The following HSDL1 variants were observed in gnomAD, a reference collection of about 807,000 sequenced individuals.
HSDL1 encodes hydroxysteroid dehydrogenase like 1.
In HSDL1, 29 loss-of-function variants were observed where a neutral mutation model predicts 31.5. The observed-to-expected ratio is 0.92, with a 90% CI of 0.69 to 1.26. The LOEUF (loss-of-function observed/expected upper bound fraction) is 1.26, where lower values mean the gene tolerates loss of function less well. Ranked by LOEUF, HSDL1 falls within the 50% of genes most tolerant of loss-of-function variation. The pLI, the probability that HSDL1 is intolerant of heterozygous loss-of-function variation, is 0.00. For missense variants in HSDL1, 503 were observed against 416.6 expected (o/e 1.21, Z -1.81); for synonymous variants, 222 against 155.2 (o/e 1.43, Z -3.20).
intron 5 of HSDL1, among the ~76,000 whole-genome samples, chr16:84,126,908 A>G (rs1226224658): frequency 6.6e-6 from 1 of 152,206 alleles, no homozygotes; most frequent in East Asian, 1.9e-4. Context: ...GAAAACAGAA[A>G]GTTTTAACAA....
chr16:84,124,150 C>G lies in HSDL1; in HGVS notation c.*480G>C, dbSNP rs1002285299. ...AGATAGTCAAACAGCTAGAGCTATA[C>G]AATACACACAGATTTTTCCTAATAG... is the stretch of plus-strand genomic sequence containing the variant. On this transcript the variant is annotated 3_prime_UTR_variant, in exon 6 of 6. Transcript: ENST00000219439. The G allele has an allele frequency of 3.1e-5, 5 of 161,764 alleles. No homozygotes were observed. Among genetic ancestry groups the G allele is most frequent in the African/African-American group, 1.2e-4 (5 of 41,560 alleles). The allele number at this position is 161,764 out of a possible 1,614,324, so 10.0% of individuals were successfully genotyped here. A position where few individuals can be genotyped will look rare whatever the true frequency, so the allele number is the denominator to read the frequency against.
chr16:84,140,542 G>A (rs565164407), intron 1 of HSDL1, among the ~76,000 whole-genome samples: 1 of 152,246 alleles, frequency 6.6e-6, no homozygotes, highest in African/African-American at 2.4e-5. Context: ...TGGGATTACA[G>A]GCGTGAGCCA....
rs368768511 is a variant in HSDL1, at chr16:84,134,425, C to T, written c.-7+1119G>A. The stretch of plus-strand genomic sequence containing the variant: ...ATCACTTGAGGTCAGGAGTTCAAGA[C>T]CAGCCTGGCCAACATGGTGAAACCT... On this transcript the variant is annotated intron_variant, in intron 2 of 5. Coordinates refer to ENST00000219439, the MANE Select transcript of HSDL1 (RefSeq NM_031463.5). 1.6e-4 allele frequency among the ~76,000 whole-genome samples: 24 copies of T among 152,188 alleles called. No individual in the cohort carries two copies. The East Asian group carries it at 3.3e-3, about 21-fold the overall frequency.
chr16:84,135,915 C>T (rs1320780354), intron 1 of HSDL1, among the ~76,000 whole-genome samples: 1 of 152,218 alleles, frequency 6.6e-6, no homozygotes, highest in Admixed American at 6.5e-5. Flanking sequence ...AAGCCCATTC[C>T]AATCCCAGGA....
At chr16:84,125,541 C>T (rs1208118596) in intron 5 of HSDL1, among the ~76,000 whole-genome samples, 1 of 151,758 alleles carries the variant, frequency 6.6e-6, no homozygotes, top group African/African-American at 2.4e-5. Flanking sequence ...TCAATCACAA[C>T]AAATACCCAC....
At chr16:84,128,394 C>T (rs1043050391) in intron 5 of HSDL1, among the ~76,000 whole-genome samples, 5 of 151,930 alleles carry the variant, frequency 3.3e-5, no homozygotes, top group East Asian at 1.9e-4. Context: ...TTAATACTTA[C>T]GATCACAATT....
At chr16:84,133,270 G>A (rs555365812) in intron 2 of HSDL1, among the ~76,000 whole-genome samples, 2 of 152,120 alleles carry the variant, frequency 1.3e-5, no homozygotes, top group East Asian at 1.9e-4. Flanking sequence ...TCAACAAAAC[G>A]TACACAAGAA....
intron 2 of HSDL1, among the ~76,000 whole-genome samples, chr16:84,132,778 G>A (rs1223534643): frequency 1.3e-5 from 2 of 152,058 alleles, no homozygotes; most frequent in African/African-American, 4.8e-5. Flanking sequence ...TTCATATCAG[G>A]CTAAACCAAC....
In HSDL1 at chr16:84,130,248, G is replaced by A. The variant is rs773780273; in HGVS notation, c.404C>T (p.Pro135Leu). ...TTTGTCCTTCAGGGCTTCTCGAATT[G>A]GAAGGTAGATCTCACGACCGCTGCT... ...DFSSGREIYL[P>L]IREALKDKDV... The change falls in exon 4 of 6, where the codon CCA becomes CTA. Residue 135 changes from proline (P) to leucine (L), a missense_variant. Pro to Leu is a moderately conservative substitution (Grantham distance 98, BLOSUM62 -3). Coordinates refer to ENST00000219439, the MANE Select transcript of HSDL1 (RefSeq NM_031463.5). 4 of 1,614,056 alleles carry A rather than the reference G, an allele frequency of 2.5e-6. No homozygotes were observed. Among genetic ancestry groups the A allele is most frequent in the African/African-American group, 2.7e-5 (2 of 74,920 alleles).
Position 84,137,048 on chromosome 16 carries a change from C to A in HSDL1, c.-68-1443G>T, listed in dbSNP as rs144397146. On this transcript the variant is annotated intron_variant, in intron 1 of 5. Coordinates refer to ENST00000219439, the MANE Select transcript of HSDL1 (RefSeq NM_031463.5). ...GAGATCTACATGGAAAACCAAACTT[C>A]TAGAACAGCAATGAAAAATACAAAG... 5.9e-5 allele frequency among the ~76,000 whole-genome samples: 9 copies of A among 152,340 alleles called. No homozygotes were observed. In the East Asian group the frequency reaches 1.7e-3, roughly 29 times the overall value.
intron 2 of HSDL1, among the ~76,000 whole-genome samples, chr16:84,131,804 G>C (rs539746955): frequency 1.3e-5 from 2 of 150,806 alleles, no homozygotes; most frequent in African/African-American, 4.9e-5. Context: ...CTCAGCCTCC[G>C]GAGTAGCTGG....
In HSDL1 at chr16:84,124,615, A is replaced by G. The variant is rs183278944; in HGVS notation, c.*15T>C. On this transcript the variant is annotated 3_prime_UTR_variant, in exon 6 of 6. Coordinates refer to ENST00000219439, the MANE Select transcript of HSDL1 (RefSeq NM_031463.5). ...TCCCAGGAGTTGGCAAAACTTCTCA[A>G]GTGGCCATCCAGACTCAGGCTGTGC... The G allele has an allele frequency of 1.7e-5, 26 of 1,575,616 alleles. No individual in the cohort carries two copies. In the East Asian group the frequency reaches 2.7e-4, roughly 16 times the overall value.
intron 2 of HSDL1, 68 bp from the exon 3 acceptor site, chr16:84,131,395 T>C (rs1409391681): frequency 1.8e-6 from 2 of 1,096,102 alleles, no homozygotes; most frequent in African/African-American, 1.5e-5. Flanking sequence ...ACAGTCTGAG[T>C]GAAGACATCC....
At chr16:84,143,825 C>T (rs1389534816) in intron 1 of HSDL1, among the ~76,000 whole-genome samples, 2 of 149,656 alleles carry the variant, frequency 1.3e-5, no homozygotes, top group Admixed American at 6.7e-5. Context: ...AGCGAAACCC[C>T]GTCTCTACTA....
chr16:84,129,445 G>C (rs1438476420), intron 5 of HSDL1, 103 bp downstream of exon 5: 3 of 861,958 alleles, frequency 3.5e-6, no homozygotes, highest in Non-Finnish European at 5.5e-6. Flanking sequence ...TTAAGAGTCA[G>C]AATTTACAAT....
At chr16:84,137,724 G>A (rs1035966360) in intron 1 of HSDL1, among the ~76,000 whole-genome samples, 1 of 152,156 alleles carries the variant, frequency 6.6e-6, no homozygotes, top group African/African-American at 2.4e-5. Flanking sequence ...GTACATGATG[G>A]AAAATAACAT....
At chr16:84,129,510 G>T in intron 5 of HSDL1, 38 bp downstream of exon 5, 1 of 1,352,548 alleles carries the variant, frequency 7.4e-7, no homozygotes, top group Non-Finnish European at 1.1e-6. Context: ...GGTTCATGAT[G>T]CATTAATCTA....
intron 5 of HSDL1, among the ~76,000 whole-genome samples, chr16:84,128,062 G>C (rs2086626837): frequency 2.6e-5 from 4 of 151,050 alleles, no homozygotes. Context: ...GCCAAGGCGG[G>C]TGGATCACCT....
intron 2 of HSDL1, among the ~76,000 whole-genome samples, chr16:84,131,754 C>A (rs1597375418): frequency 6.6e-6 from 1 of 150,996 alleles, no homozygotes; most frequent in South Asian, 2.1e-4. Flanking sequence ...TCTCGGCTCA[C>A]TGCAGGCTCC....
Sources: gnomAD v4.1 joint callset for allele counts (sites outside exome capture counted in the v4.1 genomes callset) on GRCh38, gnomAD v4.1.1 for gene constraint, MANE v1.5 for transcripts, NCBI Gene and HGNC (gene_info 2026-07-23, HGNC 2026-07-21) for gene names.